The following BLTP3A variants were observed in gnomAD, a reference collection of about 807,000 sequenced individuals.
The protein encoded by BLTP3A is bridge-like lipid transfer protein family member 3A, also known as ICBP90 binding protein 1.
At chr6:34,858,369 G>C in the BLTP3A span, 2 of 1,614,018 alleles carry the variant, frequency 1.2e-6, no homozygotes, top group Non-Finnish European at 1.7e-6. Context: ...ATGCCTTTCA[G>C]ATGGATTCCT....
the BLTP3A span, among the ~76,000 whole-genome samples, chr6:34,849,397 CAACTT>C: frequency 7.9e-5 from 12 of 152,214 alleles, no homozygotes; most frequent in East Asian, 2.1e-3. Context: ...AAACTGATGA[CAACTT>C]AACACTGATT....
At chr6:34,840,823 A>T in the BLTP3A span, among the ~76,000 whole-genome samples, 5 of 151,728 alleles carry the variant, frequency 3.3e-5, no homozygotes, top group African/African-American at 1.2e-4. Flanking sequence ...TCACCGTATG[A>T]ACCAGGATGC....
the BLTP3A span, among the ~76,000 whole-genome samples, chr6:34,802,685 TCCTG>T: frequency 6.6e-6 from 1 of 152,150 alleles, no homozygotes; most frequent in Non-Finnish European, 1.5e-5. Flanking sequence ...GTAGTCCAAA[TCCTG>T]GTGATTCCAC....
At chr6:34,843,090 C>T in the BLTP3A span, among the ~76,000 whole-genome samples, 1 of 152,082 alleles carries the variant, frequency 6.6e-6, no homozygotes, top group Admixed American at 6.5e-5. Flanking sequence ...CTCAAACGAT[C>T]CTCCCACGTC....
chr6:34,856,307 C>G, the BLTP3A span: 1 of 1,614,114 alleles, frequency 6.2e-7, no homozygotes, highest in East Asian at 2.2e-5. Context: ...GGCCCAGAAG[C>G]TGGTGATGGA....
the BLTP3A span, among the ~76,000 whole-genome samples, chr6:34,841,800 T>TA: frequency 2.6e-5 from 4 of 152,008 alleles, no homozygotes; most frequent in Non-Finnish European, 4.4e-5. Context: ...CCCCAGAAAA[T>TA]AAAAAAAGAA....
the BLTP3A span, chr6:34,876,995 C>G: frequency 6.6e-6 from 1 of 152,664 alleles, no homozygotes; most frequent in African/African-American, 2.4e-5. Flanking sequence ...AAAAAAATTC[C>G]TGTTAATGCT....
At chr6:34,863,979 T>G in the BLTP3A span, 2 of 1,544,466 alleles carry the variant, frequency 1.3e-6, no homozygotes, top group Non-Finnish European at 1.7e-6. Flanking sequence ...ACATTTGTGG[T>G]TTTTGTTTTT....
At chr6:34,845,744 C>T in the BLTP3A span, among the ~76,000 whole-genome samples, 4 of 151,756 alleles carry the variant, frequency 2.6e-5, no homozygotes, top group African/African-American at 9.7e-5. Flanking sequence ...CTACAGGCGC[C>T]CACCACCACG....
the BLTP3A span, among the ~76,000 whole-genome samples, chr6:34,797,353 T>G: frequency 1.3e-5 from 2 of 152,204 alleles, no homozygotes; most frequent in African/African-American, 4.8e-5. Context: ...TCAGCATTTC[T>G]TTTGGAGAAT....
chr6:34,876,968 A>C, the BLTP3A span: 3 of 152,548 alleles, frequency 2.0e-5, no homozygotes, highest in African/African-American at 7.2e-5. Context: ...CAATAGATAT[A>C]GTTCCTGTGA....
the BLTP3A span, among the ~76,000 whole-genome samples, chr6:34,825,588 C>T: frequency 6.6e-6 from 1 of 151,896 alleles, no homozygotes; most frequent in Non-Finnish European, 1.5e-5. Context: ...ATCACAGGCG[C>T]GAGCCACTGA....
At chr6:34,854,898 A>G in the BLTP3A span, among the ~76,000 whole-genome samples, 3 of 152,242 alleles carry the variant, frequency 2.0e-5, no homozygotes, top group South Asian at 6.2e-4. Flanking sequence ...CCCAGACAAT[A>G]CACACATGCA....
At chr6:34,856,397 C>A in the BLTP3A span, 5 of 1,613,882 alleles carry the variant, frequency 3.1e-6, no homozygotes, top group Non-Finnish European at 4.2e-6. Flanking sequence ...CTCTCTCTTT[C>A]GGAGAAAAGC....
the BLTP3A span, among the ~76,000 whole-genome samples, chr6:34,819,060 AT>A: frequency 2.9e-4 from 44 of 152,230 alleles, no homozygotes; most frequent in East Asian, 7.7e-4. Context: ...ACAAAATACC[AT>A]TCATGATTGG....
chr6:34,826,919 C>T, the BLTP3A span, among the ~76,000 whole-genome samples: 2 of 152,136 alleles, frequency 1.3e-5, no homozygotes, highest in African/African-American at 2.4e-5. Flanking sequence ...CAGTGAGAAA[C>T]GCTATTTAGA....
the BLTP3A span, chr6:34,874,869 T>C: frequency 4.6e-5 from 7 of 152,094 alleles, no homozygotes; most frequent in Non-Finnish European, 1.5e-5. Context: ...AGATATATGA[T>C]AAAGGGAGGA....
the BLTP3A span, chr6:34,875,485 G>A: frequency 6.6e-6 from 1 of 152,130 alleles, no homozygotes; most frequent in African/African-American, 2.4e-5. Context: ...GCAAAGAAAT[G>A]TCGAATAGGC....
the BLTP3A span, chr6:34,863,889 T>C: frequency 2.0e-6 from 2 of 1,017,258 alleles, no homozygotes; most frequent in Non-Finnish European, 2.8e-6. Flanking sequence ...ATGTTCCTAA[T>C]ATTGGGAACT....
Sources: gnomAD v4.1 joint callset for allele counts (sites outside exome capture counted in the v4.1 genomes callset) on GRCh38, gnomAD v4.1.1 for gene constraint, MANE v1.5 for transcripts, NCBI Gene and HGNC (gene_info 2026-07-23, HGNC 2026-07-21) for gene names.